PLAAT3: variants seen among roughly 807,000 people sequenced by gnomAD.
PLAAT3 encodes the protein Ca-independent phospholipase A1/2.
A neutral mutation model predicts 16.7 loss-of-function variants in PLAAT3; 21 were observed. The observed-to-expected ratio is 1.26, with a 90% confidence interval of 0.89 to 1.81. The LOEUF is 1.81. PLAAT3 is among the 40% of genes most tolerant of loss of function. The pLI, the probability that PLAAT3 is intolerant of heterozygous loss-of-function variation, is 0.00. For synonymous variants in PLAAT3, 76 were observed against 81.7 expected (o/e 0.93, Z 0.38); for missense variants, 219 against 213.7 (o/e 1.02, Z -0.16).
At chr11:63,610,981 G>A (rs531238718) in intron 2 of PLAAT3, among the ~76,000 whole-genome samples, 1 of 152,182 alleles carries the variant, frequency 6.6e-6, no homozygotes, top group South Asian at 2.1e-4. Context: ...GGCTCCTGGG[G>A]GCGGCTACAA....
chr11:63,608,172 A>C (rs772906588), intron 2 of PLAAT3, among the ~76,000 whole-genome samples: 6 of 152,044 alleles, frequency 3.9e-5, no homozygotes, highest in Non-Finnish European at 8.8e-5. Context: ...ACAGAGCAAG[A>C]CTCCATCTCA....
intron 3 of PLAAT3, among the ~76,000 whole-genome samples, chr11:63,593,994 G>T (rs1014795547): frequency 6.6e-6 from 1 of 152,260 alleles, no homozygotes; most frequent in African/African-American, 2.4e-5. Context: ...GCGAGGGAGG[G>T]TGGTTGCTCA....
At chr11:63,600,994 A>G (rs961800378) in intron 2 of PLAAT3, among the ~76,000 whole-genome samples, 2 of 151,946 alleles carry the variant, frequency 1.3e-5, no homozygotes, top group Non-Finnish European at 2.9e-5. Context: ...GGTAAGTTAT[A>G]ACTTAATTTT....
At chr11:63,579,167 A>G (rs1241688317) in intron 4 of PLAAT3, among the ~76,000 whole-genome samples, 4 of 152,242 alleles carry the variant, frequency 2.6e-5, no homozygotes, top group Non-Finnish European at 5.9e-5. Flanking sequence ...TCAAAACCAC[A>G]ATGAGATACC....
chr11:63,598,122 A>G lies in PLAAT3; in HGVS notation c.57T>C (p.Pro19=). ...KPGDLIEIFR[P]FYRHWAIYVG... ...CATAGATGGCCCAGTGTCTGTAGAAAGGGCGAAAAATCTCAATCAGGTCTC... is the reference window on the plus strand; with the variant it reads ...CATAGATGGCCCAGTGTCTGTAGAAGGGGCGAAAAATCTCAATCAGGTCTC... Residue 19 remains proline, a synonymous_variant, in exon 3 of 5, where the codon CCT becomes CCC. Transcript: ENST00000415826. 6.2e-7 allele frequency: 1 copy of G among 1,614,168 alleles called. No homozygotes were observed. The highest frequency in any genetic ancestry group is 8.5e-7 in the Non-Finnish European group (1 of 1,179,982).
Position 63,590,053 on chromosome 11 carries a change from G to A in PLAAT3, c.387+47C>T, listed in dbSNP as rs774762863. 9 of 1,585,008 alleles carry A rather than the reference G, an allele frequency of 5.7e-6. No individual in the cohort carries two copies. The African/African-American group carries it at 1.1e-4, about 19-fold the overall frequency. ...GCCATGCCCAGCCTCCGTCAGCAGAGGGAATGGTCTGGTTCCTGGGGAAGG... is the reference window on the plus strand; with the variant it reads ...GCCATGCCCAGCCTCCGTCAGCAGAAGGAATGGTCTGGTTCCTGGGGAAGG... On this transcript the variant is annotated intron_variant, in intron 4 of 4. Transcript: ENST00000415826.
At position 63,589,953 on chromosome 11, in the gene PLAAT3, ACCCTTG is replaced by A. The variant is rs1460583085; in HGVS notation, c.387+141_387+146del. 2.4e-5 allele frequency: 8 copies of A among 333,818 alleles called. 1 individual carries two copies. The African/African-American group carries it at 4.8e-4, about 20-fold the overall frequency. The allele number at this position is 333,818 out of a possible 1,614,324, so 20.7% of individuals were successfully genotyped here. On this transcript the variant is annotated intron_variant, in intron 4 of 4. Transcript: ENST00000415826. ...TGCCTCTCTCCCCACCCTTGTCCCC[ACCCTTG>A]TCCCAACTGTGACATCCTCAAGGGC...
intron 2 of PLAAT3, 122 bp downstream of exon 2, chr11:63,613,878 G>C (rs2030727): frequency 0.98 from 647,699 of 663,530 alleles, 317,748 homozygotes; most frequent in East Asian, 1. Flanking sequence ...AGCTGACAGA[G>C]GTGCGGGCCC....
intron 2 of PLAAT3, among the ~76,000 whole-genome samples, chr11:63,605,355 G>A (rs1938528336): frequency 6.6e-6 from 1 of 151,958 alleles, no homozygotes; most frequent in African/African-American, 2.4e-5. Context: ...CCAAGATCAC[G>A]CCATTGTACT....
intron 4 of PLAAT3, among the ~76,000 whole-genome samples, chr11:63,578,742 C>A (rs1217203427): frequency 2.0e-5 from 3 of 148,096 alleles, no homozygotes; most frequent in African/African-American, 4.9e-5. Flanking sequence ...TAAAGACTTA[C>A]ATGTTAGACC....
intron 2 of PLAAT3, among the ~76,000 whole-genome samples, chr11:63,606,691 G>C (rs960165999): frequency 2.0e-5 from 3 of 152,182 alleles, no homozygotes; most frequent in African/African-American, 7.2e-5. Context: ...CCGGCAGGGG[G>C]AGCAGCCGAG....
chr11:63,595,270 C>T (rs1260600855), intron 3 of PLAAT3, among the ~76,000 whole-genome samples: 6 of 141,676 alleles, frequency 4.2e-5, no homozygotes, highest in Non-Finnish European at 7.5e-5. Flanking sequence ...CAGCCTGGGC[C>T]ACAGAGCAAG....
In PLAAT3 at chr11:63,574,516, G is replaced by C. The variant is rs966124283; in HGVS notation, c.*429C>G. On this transcript the variant is annotated 3_prime_UTR_variant, in exon 5 of 5. Transcript: ENST00000415826. The stretch of plus-strand genomic sequence containing the variant: ...TACAGACTCCAGCTGCTGAGTCTCA[G>C]AGGCCATCCTAGATCTAGTTCCGGG... The C allele has an allele frequency of 6.5e-6, 1 of 153,000 alleles. No homozygotes were observed. Among genetic ancestry groups the C allele is most frequent in the East Asian group, 1.9e-4 (1 of 5,240 alleles). The allele number at this position is 153,000 out of a possible 1,614,324, so 9.5% of individuals were successfully genotyped here. A position where few individuals can be genotyped will look rare whatever the true frequency, so the allele number is the denominator to read the frequency against.
In PLAAT3 at chr11:63,595,494, A is replaced by G. The variant is rs1938267143; in HGVS notation, c.118+2567T>C. On this transcript the variant is annotated intron_variant, in intron 3 of 4. Coordinates refer to ENST00000415826, the MANE Select transcript of PLAAT3 (RefSeq NM_001128203.2). Reference sequence around the variant, plus strand: ...GGCATGATGTTGGCTAAAAGAAGCCAGACACAAAAGAGCACGGGCCGTGTG... The same window carrying G: ...GGCATGATGTTGGCTAAAAGAAGCCGGACACAAAAGAGCACGGGCCGTGTG... Among the ~76,000 whole-genome samples, 4 of 152,200 alleles carry G rather than the reference A, an allele frequency of 2.6e-5. No homozygotes were observed. The South Asian group carries it at 8.3e-4, about 32-fold the overall frequency.
At position 63,614,037 on chromosome 11, in the gene PLAAT3, C is replaced by T. The variant is rs1344685878; in HGVS notation, c.-23G>A. On this transcript the variant is annotated 5_prime_UTR_variant, in exon 2 of 5. Transcript: ENST00000415826. Reference sequence around the variant, plus strand: ...CATCTTCCCTCGCGGTGTGGACCCTCAAGGCCAGGCTCGATTTCGCTGCGT... The same window carrying T: ...CATCTTCCCTCGCGGTGTGGACCCTTAAGGCCAGGCTCGATTTCGCTGCGT... 1 of 1,613,660 alleles carries T rather than the reference C, an allele frequency of 6.2e-7. No homozygotes were observed. Among genetic ancestry groups the T allele is most frequent in the South Asian group, 1.1e-5 (1 of 91,032 alleles).
At chr11:63,577,874 GA>G (rs1297767659) in intron 4 of PLAAT3, among the ~76,000 whole-genome samples, 2 of 151,366 alleles carry the variant, frequency 1.3e-5, no homozygotes, top group African/African-American at 4.9e-5. Flanking sequence ...ATAAAAATGT[GA>G]AAAAACAACT....
At chr11:63,584,565 G>A (rs576061935) in intron 4 of PLAAT3, among the ~76,000 whole-genome samples, 4 of 149,498 alleles carry the variant, frequency 2.7e-5, no homozygotes, top group Non-Finnish European at 5.9e-5. Flanking sequence ...CCAGGCTGGA[G>A]TACAGTGGTG....
intron 2 of PLAAT3, among the ~76,000 whole-genome samples, chr11:63,607,254 A>G (rs1023300213): frequency 1.3e-5 from 2 of 151,918 alleles, no homozygotes; most frequent in Non-Finnish European, 2.9e-5. Context: ...AGAGGCGGGG[A>G]CACAGCGCAC....
intron 3 of PLAAT3, among the ~76,000 whole-genome samples, chr11:63,592,020 C>T (rs754050404): frequency 1.1e-4 from 16 of 152,292 alleles, no homozygotes; most frequent in Middle Eastern, 3.4e-3. Context: ...CTCAAGCTGG[C>T]GGTGAGAAGC....
Sources: allele counts gnomAD v4.1 joint callset (sites outside exome capture counted in the v4.1 genomes callset), GRCh38; gene constraint gnomAD v4.1.1; transcripts MANE v1.5; gene names NCBI Gene and HGNC (gene_info 2026-07-23, HGNC 2026-07-21).